GALNTL6: variants seen among roughly 807,000 people sequenced by gnomAD.
GALNTL6 encodes the protein polypeptide N-acetylgalactosaminyltransferase-like 6.
A neutral mutation model predicts 73.7 loss-of-function variants in GALNTL6; 46 were observed. The ratio of observed to expected loss-of-function variants is 0.62; its 90% confidence interval spans 0.49 to 0.80. The LOEUF (loss-of-function observed/expected upper bound fraction) is 0.80. Among genes scored for constraint, GALNTL6 ranks in the 30% least tolerant of loss-of-function variants. The pLI is 0.00. For missense variants in GALNTL6, 604 were observed against 755.0 expected, an observed-to-expected ratio of 0.80 and a Z score of 2.34; for synonymous variants, 259 against 263.7, an observed-to-expected ratio of 0.98 and a Z score of 0.17.
At chr4:171,870,290 G>A (rs749554602) in intron 2 of GALNTL6, among the ~76,000 whole-genome samples, 4 of 152,142 alleles carry the variant, frequency 2.6e-5, no homozygotes, top group Non-Finnish European at 1.5e-5. Context: ...CCTTAAGGGA[G>A]ATAATACATC....
At chr4:172,716,040 G>A (rs1369587452) in intron 5 of GALNTL6, among the ~76,000 whole-genome samples, 1 of 152,184 alleles carries the variant, frequency 6.6e-6, no homozygotes, top group Non-Finnish European at 1.5e-5. Flanking sequence ...CACAACTGTA[G>A]CAATTTGGCA....
At chr4:171,932,518 A>T (rs1269211163) in intron 2 of GALNTL6, among the ~76,000 whole-genome samples, 1 of 152,202 alleles carries the variant, frequency 6.6e-6, no homozygotes, top group East Asian at 1.9e-4. Flanking sequence ...CCAGGTTGGA[A>T]GCAGCGGGAG....
chr4:172,208,353 T>C (rs1272517972), intron 2 of GALNTL6, among the ~76,000 whole-genome samples: 1 of 152,174 alleles, frequency 6.6e-6, no homozygotes, highest in Non-Finnish European at 1.5e-5. Context: ...AATGCAAAAA[T>C]AGATGTACAA....
intron 2 of GALNTL6, among the ~76,000 whole-genome samples, chr4:171,888,617 G>C (rs1435260363): frequency 6.6e-6 from 1 of 151,994 alleles, no homozygotes; most frequent in Non-Finnish European, 1.5e-5. Flanking sequence ...ATCTAAACAA[G>C]CCCTACCCAC....
At chr4:172,694,360 G>C (rs1165018003) in intron 5 of GALNTL6, among the ~76,000 whole-genome samples, 3 of 151,568 alleles carry the variant, frequency 2.0e-5, no homozygotes, top group Admixed American at 6.6e-5. Flanking sequence ...TGTTCTCATT[G>C]TTCAACTCCC....
chr4:172,264,571 T>TTTGGC (rs1345755927), intron 3 of GALNTL6, among the ~76,000 whole-genome samples: 1 of 81,874 alleles, frequency 1.2e-5, no homozygotes, highest in Admixed American at 1.5e-4. Context: ...TATATATATA[T>TTTGGC]ATATATATAT....
At chr4:172,636,932 T>C (rs2111110111) in intron 5 of GALNTL6, among the ~76,000 whole-genome samples, 1 of 152,308 alleles carries the variant, frequency 6.6e-6, no homozygotes, top group Admixed American at 6.5e-5. Context: ...TGCTACACTT[T>C]ACATATATTA....
At chr4:172,764,016 T>C (rs1166434529) in intron 5 of GALNTL6, among the ~76,000 whole-genome samples, 1 of 149,264 alleles carries the variant, frequency 6.7e-6, no homozygotes, top group Non-Finnish European at 1.5e-5. Context: ...TGGAGTGCAA[T>C]GGGGCGATCT....
chr4:172,969,849 A>G (rs549621529), intron 10 of GALNTL6, among the ~76,000 whole-genome samples: 1 of 152,350 alleles, frequency 6.6e-6, no homozygotes, highest in East Asian at 1.9e-4. Flanking sequence ...CATTGATGCT[A>G]TTATCACATA....
intron 7 of GALNTL6, among the ~76,000 whole-genome samples, chr4:172,865,989 A>C (rs1375212551): frequency 1.3e-5 from 2 of 152,164 alleles, no homozygotes; most frequent in Non-Finnish European, 2.9e-5. Context: ...CCACATTTTC[A>C]ATCTCTCTTT....
chr4:172,112,364 T>A lies in GALNTL6; in HGVS notation c.139-117292T>A, dbSNP rs373089155. On this transcript the variant is annotated intron_variant, in intron 2 of 12. Coordinates refer to ENST00000506823, the MANE Select transcript of GALNTL6 (RefSeq NM_001034845.3). ...TAAAGCTGCTATAAATGTCCATGTG[T>A]AGGTTTTTTTGTGGACATAAGTTTT... 1.4e-3 allele frequency among the ~76,000 whole-genome samples: 208 copies of A among 152,188 alleles called. 2 individuals carry two copies. Among genetic ancestry groups the A allele is most frequent in the African/African-American group, 4.8e-3 (201 of 41,584 alleles).
At chr4:172,075,771 C>CAGAG (rs150769265) in intron 2 of GALNTL6, among the ~76,000 whole-genome samples, 18 of 149,476 alleles carry the variant, frequency 1.2e-4, no homozygotes, top group Admixed American at 4.0e-4. Flanking sequence ...GGGACAAAGA[C>CAGAG]AGAGAGAGAG....
At chr4:172,982,038 G>C (rs989727523) in intron 10 of GALNTL6, among the ~76,000 whole-genome samples, 1 of 151,974 alleles carries the variant, frequency 6.6e-6, no homozygotes, top group Non-Finnish European at 1.5e-5. Context: ...CAGGTGATCT[G>C]CCTGCCTCGG....
chr4:172,522,497 C>A (rs970172614), intron 5 of GALNTL6, among the ~76,000 whole-genome samples: 14 of 151,986 alleles, frequency 9.2e-5, no homozygotes, highest in African/African-American at 3.1e-4. Flanking sequence ...ATAGAGAAAC[C>A]CTGTCTCTAC....
chr4:172,487,358 C>CTTTCTTTCTTTCTTT (rs202020229), intron 5 of GALNTL6, among the ~76,000 whole-genome samples: 2 of 98,510 alleles, frequency 2.0e-5, no homozygotes, highest in East Asian at 4.4e-4. Context: ...TTCTTTCTTT[C>CTTTCTTTCTTTCTTT]CTTCTTTCCT....
chr4:173,002,794 C>CAA (rs34412958), intron 10 of GALNTL6, among the ~76,000 whole-genome samples: 7 of 82,940 alleles, frequency 8.4e-5, no homozygotes, highest in African/African-American at 1.3e-4. Flanking sequence ...GACTCCGTCT[C>CAA]AAAAAAAAAA....
intron 5 of GALNTL6, chr4:172,380,496 G>T: frequency 2.2e-6 from 1 of 460,614 alleles, no homozygotes; most frequent in Non-Finnish European, 4.2e-6. Flanking sequence ...ATCTTGTCAG[G>T]TCCTGAGTTG....
chr4:172,677,987 G>T (rs1053713669), intron 5 of GALNTL6, among the ~76,000 whole-genome samples: 1 of 152,100 alleles, frequency 6.6e-6, no homozygotes, highest in African/African-American at 2.4e-5. Context: ...ATACAAAAGC[G>T]TTGGTGGAAA....
chr4:172,608,336 T>C (rs1173566815), intron 5 of GALNTL6, among the ~76,000 whole-genome samples: 1 of 152,128 alleles, frequency 6.6e-6, no homozygotes, highest in Non-Finnish European at 1.5e-5. Context: ...CAAATTTCAA[T>C]CTTGGGCCTA....
Sources: allele counts gnomAD v4.1 joint callset (sites outside exome capture counted in the v4.1 genomes callset), GRCh38; gene constraint gnomAD v4.1.1; transcripts MANE v1.5; gene names NCBI Gene and HGNC (gene_info 2026-07-23, HGNC 2026-07-21).